MED12L: variants seen among roughly 807,000 people sequenced by gnomAD.
The protein encoded by MED12L is mediator of RNA polymerase II transcription subunit 12-like protein.
A neutral mutation model predicts 281.3 loss-of-function variants in MED12L; 60 were observed. That is an observed-to-expected ratio of 0.21 (90% CI 0.17 to 0.26). The LOEUF (loss-of-function observed/expected upper bound fraction) is 0.26. Among genes scored for constraint, MED12L ranks in the 10% least tolerant of loss-of-function variants. The pLI is 1.00. For synonymous variants in MED12L, 974 were observed against 987.2 expected (o/e 0.99, Z 0.25); for missense variants, 2,146 against 2,680.9 (o/e 0.80, Z 4.41).
At chr3:151,181,798 C>T (rs1221005) in intron 11 of MED12L, among the ~76,000 whole-genome samples, 66,175 of 151,596 alleles carry the variant, frequency 0.44, 17,287 homozygotes, top group Non-Finnish European at 0.57. Context: ...GTTGGTCAGG[C>T]TGGTCTTGAA....
intron 16 of MED12L, among the ~76,000 whole-genome samples, chr3:151,255,985 G>C (rs1178083395): frequency 6.6e-6 from 1 of 152,184 alleles, no homozygotes; most frequent in East Asian, 1.9e-4. Flanking sequence ...TCTAAGGTCA[G>C]TAAATGGTAG....
chr3:151,217,005 G>A (rs565613955), intron 16 of MED12L, among the ~76,000 whole-genome samples: 1 of 152,138 alleles, frequency 6.6e-6, no homozygotes, highest in African/African-American at 2.4e-5. Flanking sequence ...CCATTGTGGT[G>A]TCATACTCAT....
chr3:151,152,524 T>G (rs917966302), intron 5 of MED12L, among the ~76,000 whole-genome samples: 1 of 152,122 alleles, frequency 6.6e-6, no homozygotes, highest in African/African-American at 2.4e-5. Context: ...GGTCTGACAT[T>G]GGTGACAGCA....
At chr3:151,391,118 G>A (rs926509010) in intron 38 of MED12L, among the ~76,000 whole-genome samples, 1 of 152,148 alleles carries the variant, frequency 6.6e-6, no homozygotes, top group Non-Finnish European at 1.5e-5. Flanking sequence ...TTGGATGCTA[G>A]GATATTGCAG....
chr3:151,164,031 T>G lies in MED12L; in HGVS notation c.1246T>G (p.Phe416Val). Residue 416 changes from phenylalanine (F) to valine (V), a missense_variant, in exon 9 of 45, where the codon TTC becomes GTC. Around this residue, in one of 9 missense-constraint regions of MED12L, gnomAD observed 722 missense variants for 861.2 expected, o/e 0.84. Transcript: ENST00000687756. The part of the protein sequence containing the change: ...SLPMPGGNTA[F>V]NQQVRARIYE... ...CCCCATGCCGGGTGGGAACACGGCTTTCAATCAGCAGGTAGACTTTATGTT... is the reference window on the plus strand; with the variant it reads ...CCCCATGCCGGGTGGGAACACGGCTGTCAATCAGCAGGTAGACTTTATGTT... 6.2e-7 allele frequency: 1 copy of G among 1,613,320 alleles called. No homozygotes were observed.
Position 151,368,161 on chromosome 3 carries a change from G to A in MED12L, c.3460G>A (p.Ala1154Thr). 1 of 1,614,002 alleles carries A rather than the reference G, an allele frequency of 6.2e-7. No individual in the cohort carries two copies. Among genetic ancestry groups the A allele is most frequent in the Non-Finnish European group, 8.5e-7 (1 of 1,179,920 alleles). ...PSLLAAACGD[A>T]DAEPGARMTC... is the part of the protein sequence containing the mutation. ...TCCCCCTTTCCTAGCTTGTGGGGAT[G>A]CGGACGCCGAGCCTGGGGCGAGAAT... The change falls in exon 25 of 45, where the codon GCG becomes ACG. Residue 1154 changes from alanine to threonine, a missense_variant. Ala to Thr is a moderately conservative substitution (Grantham distance 58). This residue lies in a region of MED12L where 404 missense variants were observed against 603.5 expected (regional missense o/e 0.67). Coordinates refer to ENST00000687756, the MANE Select transcript of MED12L (RefSeq NM_001393769.1).
At chr3:151,378,629 C>T (rs1052146924) in intron 31 of MED12L, among the ~76,000 whole-genome samples, 1 of 151,990 alleles carries the variant, frequency 6.6e-6, no homozygotes, top group African/African-American at 2.4e-5. Flanking sequence ...TAAGACTCCT[C>T]GGCCACCACA....
At chr3:151,302,001 A>T (rs372942063) in intron 16 of MED12L, among the ~76,000 whole-genome samples, 82 of 152,370 alleles carry the variant, frequency 5.4e-4, no homozygotes, top group African/African-American at 1.9e-3. Context: ...GAAAGAAGCC[A>T]AGTGCTGACT....
intron 16 of MED12L, among the ~76,000 whole-genome samples, chr3:151,220,124 G>T (rs1024787534): frequency 6.8e-6 from 1 of 147,800 alleles, no homozygotes; most frequent in Non-Finnish European, 1.5e-5. Context: ...CTGCCTACTA[G>T]ATGCCAGTAA....
chr3:151,283,622 G>A (rs1011652983), intron 16 of MED12L, among the ~76,000 whole-genome samples: 4 of 152,066 alleles, frequency 2.6e-5, no homozygotes, highest in South Asian at 2.1e-4. Flanking sequence ...ATGCCTAGCC[G>A]TCCTTGCTGG....
intron 5 of MED12L, among the ~76,000 whole-genome samples, chr3:151,141,184 T>TTG (rs1560087846): frequency 1.9e-4 from 20 of 105,120 alleles, no homozygotes; most frequent in Admixed American, 2.7e-4. Context: ...TTTTGTTTTT[T>TTG]TTGTTTTTTT....
chr3:151,123,045 A>T (rs183462425), intron 4 of MED12L, 71 bp downstream of exon 4: 11 of 1,300,396 alleles, frequency 8.5e-6, no homozygotes, highest in Non-Finnish European at 1.1e-5. Context: ...ATTCAAGTAT[A>T]TATTTGTTTT....
chr3:151,165,897 G>T lies in MED12L; in HGVS notation c.1409G>T (p.Cys470Phe). 6.2e-7 allele frequency: 1 copy of T among 1,614,106 alleles called. No homozygotes were observed. Among genetic ancestry groups the T allele is most frequent in the Non-Finnish European group, 8.5e-7 (1 of 1,179,968 alleles). ...LHTLEVLDRHCFDRTDSSNSM... is the reference protein window; with the variant it reads ...LHTLEVLDRHFFDRTDSSNSM... ...ACGTTGGAAGTTTTGGATCGTCACT[G>T]TTTTGACCGAACTGATTCCAGCAAT... Residue 470 changes from cysteine (C) to phenylalanine (F), a missense_variant, in exon 11 of 45, where the codon TGT (cysteine) becomes TTT (phenylalanine). Coordinates refer to ENST00000687756, the MANE Select transcript of MED12L (RefSeq NM_001393769.1).
At chr3:151,427,909 A>G (rs546834907) in intron 43 of MED12L, among the ~76,000 whole-genome samples, 1 of 152,338 alleles carries the variant, frequency 6.6e-6, no homozygotes, top group East Asian at 1.9e-4. Context: ...GATGTCATAG[A>G]TATGGGACAT....
intron 24 of MED12L, among the ~76,000 whole-genome samples, 163 bp downstream of exon 24, chr3:151,367,929 A>G (rs1451030320): frequency 6.6e-6 from 1 of 152,154 alleles, no homozygotes; most frequent in African/African-American, 2.4e-5. Flanking sequence ...ATTTTATACA[A>G]ATTAACATGT....
intron 16 of MED12L, among the ~76,000 whole-genome samples, chr3:151,208,272 G>T (rs1244820186): frequency 1.3e-5 from 2 of 152,194 alleles, no homozygotes; most frequent in Admixed American, 6.5e-5. Context: ...ATGTTCTCAT[G>T]CAGTCAATAT....
chr3:151,394,250 A>C (rs1441162992), intron 38 of MED12L, among the ~76,000 whole-genome samples: 1 of 152,242 alleles, frequency 6.6e-6, no homozygotes, highest in Non-Finnish European at 1.5e-5. Context: ...AGATTTGATG[A>C]AAAGTACAAA....
At chr3:151,224,233 C>T in intron 16 of MED12L, among the ~76,000 whole-genome samples, 1 of 152,138 alleles carries the variant, frequency 6.6e-6, no homozygotes, top group Non-Finnish European at 1.5e-5. Flanking sequence ...AAAGGTACAA[C>T]TTTTATATAT....
intron 16 of MED12L, among the ~76,000 whole-genome samples, chr3:151,320,528 C>G (rs1040085413): frequency 6.6e-6 from 1 of 152,000 alleles, no homozygotes; most frequent in African/African-American, 2.4e-5. Flanking sequence ...ATAGTCAGTC[C>G]TTTGACAAGA....
Sources: gnomAD v4.1 joint callset for allele counts (sites outside exome capture counted in the v4.1 genomes callset) on GRCh38, gnomAD v4.1.1 for gene constraint, gnomAD v4.1.1 regional missense constraint, MANE v1.5 for transcripts, NCBI Gene and HGNC (gene_info 2026-07-23, HGNC 2026-07-21) for gene names.